MAP4K4: variants seen among roughly 807,000 people sequenced by gnomAD.
The protein encoded by MAP4K4 is mitogen-activated protein kinase kinase kinase kinase 4.
MAP4K4 carries 38 observed loss-of-function variants against 189.6 expected under a neutral mutation model. That is an observed-to-expected ratio of 0.20 (90% CI 0.15 to 0.26). MAP4K4 has a LOEUF of 0.26. Among genes scored for constraint, MAP4K4 ranks in the 10% least tolerant of loss-of-function variants. The pLI is 1.00. For synonymous variants in MAP4K4, 610 were observed against 624.3 expected (o/e 0.98, Z 0.34); for missense variants, 1,054 against 1,726.9 (o/e 0.61, Z 6.91).
At chr2:101,867,131 C>T (rs763405476) in intron 19 of MAP4K4, 81 bp from the exon 20 acceptor site, 25 of 655,358 alleles carry the variant, frequency 3.8e-5, no homozygotes, top group Middle Eastern at 2.8e-4. Context: ...CAGGAGTGGG[C>T]GGGGTGGGCA....
chr2:101,835,912 T>A, exon 9 of MAP4K4: 1 of 1,612,938 alleles, frequency 6.2e-7, no homozygotes, highest in Non-Finnish European at 8.5e-7. Flanking sequence ...CTCTGTGACA[T>A]GCATCCAATG....
intron 12 of MAP4K4, among the ~76,000 whole-genome samples, chr2:101,850,876 T>C (rs1236357285): frequency 6.6e-6 from 1 of 152,034 alleles, no homozygotes; most frequent in African/African-American, 2.4e-5. Context: ...TTCTCCACTG[T>C]AGCTTCATCA....
At chr2:101,775,143 C>T (rs899355563) in intron 2 of MAP4K4, among the ~76,000 whole-genome samples, 2 of 150,842 alleles carry the variant, frequency 1.3e-5, no homozygotes, top group African/African-American at 2.4e-5. Flanking sequence ...TTCACGCTTC[C>T]TGCATGTTGT....
intron 2 of MAP4K4, among the ~76,000 whole-genome samples, chr2:101,735,501 T>C (rs895841308): frequency 3.9e-5 from 6 of 152,148 alleles, no homozygotes; most frequent in Non-Finnish European, 7.4e-5. Context: ...TAAGATCATA[T>C]GAAAAAATCT....
chr2:101,797,410 A>G (rs371929916), intron 3 of MAP4K4: 1 of 1,290,224 alleles, frequency 7.8e-7, no homozygotes, highest in Middle Eastern at 2.2e-4. Context: ...TCAGTTTTTG[A>G]CAGTCTGTAT....
chr2:101,869,538 G>A (rs2097919025), intron 21 of MAP4K4, 84 bp from the exon 22 acceptor site: 2 of 1,074,346 alleles, frequency 1.9e-6, no homozygotes, highest in Non-Finnish European at 2.8e-6. Flanking sequence ...TGACATTGTG[G>A]CAATTTATGG....
At chr2:101,713,038 G>A (rs2046454935) in intron 2 of MAP4K4, among the ~76,000 whole-genome samples, 1 of 151,284 alleles carries the variant, frequency 6.6e-6, no homozygotes, top group Admixed American at 6.6e-5. Context: ...TGAGTAGCTG[G>A]AATTACAGGT....
chr2:101,861,478 G>C (rs1423810366), intron 16 of MAP4K4: 1 of 152,892 alleles, frequency 6.5e-6, no homozygotes, highest in Non-Finnish European at 1.5e-5. Flanking sequence ...TTTTTTGTGG[G>C]GGTGGGGGGA....
rs373738048 is a variant in MAP4K4 at position 101,835,881 on chromosome 2, G to A, written c.695-19G>A. 4 of 1,565,260 alleles carry A rather than the reference G, an allele frequency of 2.6e-6. No homozygotes were observed. The highest frequency in any genetic ancestry group is 2.2e-5 in the East Asian group (1 of 44,656). On this transcript the variant is annotated intron_variant, in intron 8 of 32. Coordinates refer to ENST00000324219, the Ensembl canonical transcript of MAP4K4. ...AGTGAAATAAGTGCCATACTGACACGACCGTCTCCTCTCCCCAGCTCTCTG... is the reference window on the plus strand; with the variant it reads ...AGTGAAATAAGTGCCATACTGACACAACCGTCTCCTCTCCCCAGCTCTCTG...
At chr2:101,791,981 G>T (rs1371640248) in intron 3 of MAP4K4, among the ~76,000 whole-genome samples, 1 of 152,184 alleles carries the variant, frequency 6.6e-6, no homozygotes, top group Admixed American at 6.5e-5. Context: ...CTATTCTGTT[G>T]TATTATAGTG....
In MAP4K4 at chr2:101,803,283, T is replaced by G. The variant is rs4851501; in HGVS notation, c.180+12507T>G. 1.5e-3 allele frequency among the ~76,000 whole-genome samples: 195 copies of G among 129,942 alleles called. 1 individual carries two copies. The highest frequency in any genetic ancestry group is 3.8e-3 in the Middle Eastern group (1 of 264). The allele number at this position is 129,942 out of a possible 152,430, so 85.2% of individuals were successfully genotyped here. A position where few individuals can be genotyped will look rare whatever the true frequency, so the allele number is the denominator to read the frequency against. On this transcript the variant is annotated intron_variant, in intron 3 of 32. Coordinates refer to ENST00000324219, the Ensembl canonical transcript of MAP4K4. ...TGTGTGTATGTATGTGTGTGTGTGT[T>G]TGTGTGTGTGTCTGTCTGTGTCTGT... is the stretch of plus-strand genomic sequence containing the variant.
chr2:101,790,094 T>C (rs2092603483), intron 2 of MAP4K4, among the ~76,000 whole-genome samples: 1 of 152,218 alleles, frequency 6.6e-6, no homozygotes, highest in Non-Finnish European at 1.5e-5. Flanking sequence ...TTCGTCATGT[T>C]ATGCTTTAGC....
At chr2:101,849,986 C>G (rs2097230473) in intron 12 of MAP4K4, among the ~76,000 whole-genome samples, 2 of 152,144 alleles carry the variant, frequency 1.3e-5, no homozygotes, top group African/African-American at 4.8e-5. Context: ...ATATTCAGGT[C>G]TTTCCTGTCT....
At chr2:101,806,277 T>TC (rs1194395472) in intron 3 of MAP4K4, among the ~76,000 whole-genome samples, 3 of 151,882 alleles carry the variant, frequency 2.0e-5, no homozygotes, top group African/African-American at 7.3e-5. Context: ...TGAGTCATCT[T>TC]CCCCCCAGGC....
intron 15 of MAP4K4, chr2:101,860,129 T>G (rs1238320307): frequency 5.7e-6 from 3 of 524,410 alleles, no homozygotes; most frequent in Non-Finnish European, 1.0e-5. Context: ...AACTAAAAGA[T>G]TACATGACAC....
chr2:101,716,398 G>A (rs946264339), intron 2 of MAP4K4, among the ~76,000 whole-genome samples: 1 of 152,006 alleles, frequency 6.6e-6, no homozygotes, highest in Non-Finnish European at 1.5e-5. Flanking sequence ...AGCCAAGATT[G>A]TGTCATTGCA....
chr2:101,853,752 A>G (rs1371909872), intron 12 of MAP4K4, among the ~76,000 whole-genome samples: 2 of 152,114 alleles, frequency 1.3e-5, no homozygotes, highest in East Asian at 1.9e-4. Context: ...CATCATCTTT[A>G]GAATATTGAG....
At chr2:101,826,230 T>C (rs11901008) in intron 5 of MAP4K4, among the ~76,000 whole-genome samples, 10,308 of 152,274 alleles carry the variant, frequency 0.068, 439 homozygotes, top group African/African-American at 0.12. Flanking sequence ...TAAAAAAACT[T>C]AAAGTAACTA....
At chr2:101,829,620 C>T in intron 6 of MAP4K4, 26 bp downstream of exon 6, 1 of 1,530,064 alleles carries the variant, frequency 6.5e-7, no homozygotes, top group Non-Finnish European at 9.0e-7. Flanking sequence ...GCGGCGTGAT[C>T]TCATAATTGC....
Sources: gnomAD v4.1 joint callset for allele counts (sites outside exome capture counted in the v4.1 genomes callset) on GRCh38, gnomAD v4.1.1 for gene constraint, MANE v1.5 for transcripts, NCBI Gene and HGNC (gene_info 2026-07-23, HGNC 2026-07-21) for gene names.